Variants in ABLIM1 observed in about 807,000 individuals in gnomAD.
ABLIM1 encodes the protein actin binding LIM protein 1.
Under a neutral mutation model 107.0 loss-of-function variants are expected in ABLIM1, and 40 were observed. That is an observed-to-expected ratio of 0.37 (90% CI 0.29 to 0.49). ABLIM1 has a LOEUF of 0.49. Among genes scored for constraint, ABLIM1 ranks in the 20% least tolerant of loss-of-function variants. The pLI, the probability that ABLIM1 is intolerant of heterozygous loss-of-function variation, is 0.97. For missense variants in ABLIM1, 857 were observed against 1,008.5 expected (o/e 0.85, Z 2.04); for synonymous variants, 357 against 357.3 (o/e 1.00, Z 0.01).
chr10:114,644,624 A>C (rs145177690), intron 1 of ABLIM1, among the ~76,000 whole-genome samples: 214 of 152,214 alleles, frequency 1.4e-3, no homozygotes, highest in African/African-American at 4.9e-3. Context: ...GGTTGTTAGC[A>C]GACACTGGAT....
chr10:114,576,853 C>T (rs1484817980), intron 2 of ABLIM1, among the ~76,000 whole-genome samples: 4 of 152,198 alleles, frequency 2.6e-5, no homozygotes, highest in Non-Finnish European at 5.9e-5. Flanking sequence ...GGCCTGAGTC[C>T]ATCATGCCTG....
At chr10:114,542,431 GAAAAAAGAAAAAA>G (rs2066790909) in intron 6 of ABLIM1, among the ~76,000 whole-genome samples, 2 of 82,760 alleles carry the variant, frequency 2.4e-5, no homozygotes, top group Non-Finnish European at 4.9e-5. Flanking sequence ...AAGAAAGAAA[GAAAAAAGAAAAAA>G]AAAAAAGAAA....
At chr10:114,715,200 A>G (rs2081635891) in intron 1 of ABLIM1, among the ~76,000 whole-genome samples, 1 of 152,220 alleles carries the variant, frequency 6.6e-6, no homozygotes, top group African/African-American at 2.4e-5. Flanking sequence ...TTTCCCAGAC[A>G]GGCTAAGGGC....
intron 6 of ABLIM1, among the ~76,000 whole-genome samples, chr10:114,534,960 T>C (rs571850714): frequency 6.6e-6 from 1 of 152,356 alleles, no homozygotes; most frequent in African/African-American, 2.4e-5. Context: ...TTTCCTCCTG[T>C]TGTGAAAGTA....
intron 1 of ABLIM1, among the ~76,000 whole-genome samples, chr10:114,678,195 T>C (rs1249828120): frequency 1.3e-5 from 2 of 152,210 alleles, no homozygotes; most frequent in East Asian, 3.8e-4. Flanking sequence ...AACATGAACG[T>C]TCTTAGCAAA....
chr10:114,733,497 TA>T (rs2082118003), intron 1 of ABLIM1, among the ~76,000 whole-genome samples: 1 of 152,206 alleles, frequency 6.6e-6, no homozygotes, highest in African/African-American at 2.4e-5. Flanking sequence ...CTAAACAATG[TA>T]AAAGTCAGCC....
chr10:114,586,643 A>G (rs1321395705), intron 2 of ABLIM1, among the ~76,000 whole-genome samples: 1 of 152,114 alleles, frequency 6.6e-6, no homozygotes, highest in East Asian at 1.9e-4. Flanking sequence ...GGCAATTGCA[A>G]ATGAGAGCAG....
chr10:114,697,241 G>T lies in ABLIM1; in HGVS notation c.-213+70820C>A, dbSNP rs1028920934. 2.0e-5 allele frequency among the ~76,000 whole-genome samples: 3 copies of T among 152,168 alleles called. 1 individual carries two copies. Among genetic ancestry groups the T allele is most frequent in the Non-Finnish European group, 4.4e-5 (3 of 68,034 alleles). On this transcript the variant is annotated intron_variant, in intron 1 of 15. Transcript: ENST00000651092. ...CCACACTCCGCTCATCACAGCTTAA[G>T]TAAGGCCACTCTGGTTTTTTGAGAA... is the stretch of plus-strand genomic sequence containing the variant.
At chr10:114,461,856 ATAATC>A (rs1188904038) in intron 12 of ABLIM1, among the ~76,000 whole-genome samples, 4 of 152,174 alleles carry the variant, frequency 2.6e-5, no homozygotes, top group Non-Finnish European at 4.4e-5. Flanking sequence ...ATAAAGTAAA[ATAATC>A]TGTCAAGAGT....
At chr10:114,631,177 A>G (rs1196799717) in intron 1 of ABLIM1, among the ~76,000 whole-genome samples, 1 of 152,172 alleles carries the variant, frequency 6.6e-6, no homozygotes, top group East Asian at 1.9e-4. Flanking sequence ...GTTCTTTCAC[A>G]TTTCCCGGAG....
Position 114,434,813 on chromosome 10 carries a change from C to T in ABLIM1, c.*1447G>A, listed in dbSNP as rs935584553. 1 of 152,114 alleles carries T rather than the reference C, an allele frequency of 6.6e-6. No homozygotes were observed. Among genetic ancestry groups the T allele is most frequent in the Admixed American group, 6.6e-5 (1 of 15,266 alleles). The allele number at this position is 152,114 out of a possible 1,614,324, so 9.4% of individuals were successfully genotyped here. ...CATATTCGAATCTAGTGTTGCAGAG[C>T]CTGAGGGACTCTCGTGAGATGCTCT... On this transcript the variant is annotated 3_prime_UTR_variant, in exon 23 of 23. Transcript: ENST00000533213.
intron 1 of ABLIM1, among the ~76,000 whole-genome samples, chr10:114,692,631 G>T (rs572466282): frequency 6.6e-6 from 1 of 152,220 alleles, no homozygotes; most frequent in East Asian, 1.9e-4. Context: ...GTGGCTCATG[G>T]CTGTAATCCC....
At chr10:114,696,742 G>A (rs78996613) in intron 1 of ABLIM1, among the ~76,000 whole-genome samples, 176 of 152,274 alleles carry the variant, frequency 1.2e-3, no homozygotes, top group African/African-American at 4.1e-3. Flanking sequence ...ATGGAACTGT[G>A]AGTCCATTAA....
chr10:114,506,659 T>G (rs927350624), intron 6 of ABLIM1, among the ~76,000 whole-genome samples: 6 of 152,262 alleles, frequency 3.9e-5, no homozygotes, highest in African/African-American at 1.4e-4. Context: ...ATTGGCTTCT[T>G]TTGAGAAGTA....
At chr10:114,766,225 A>G (rs562260878) in intron 1 of ABLIM1, among the ~76,000 whole-genome samples, 3 of 152,366 alleles carry the variant, frequency 2.0e-5, no homozygotes, top group South Asian at 2.1e-4. Context: ...ACACATGTAA[A>G]GTACCTGACA....
intron 1 of ABLIM1, among the ~76,000 whole-genome samples, chr10:114,754,054 G>T (rs758189605): frequency 6.6e-6 from 1 of 152,062 alleles, no homozygotes; most frequent in Non-Finnish European, 1.5e-5. Context: ...GCGTTTCACC[G>T]TTGGCCAGGC....
At chr10:114,614,896 C>A in intron 1 of ABLIM1, among the ~76,000 whole-genome samples, 1 of 151,492 alleles carries the variant, frequency 6.6e-6, no homozygotes, top group South Asian at 2.1e-4. Context: ...ACTAAAAATA[C>A]AAAATTAGCC....
At chr10:114,674,762 A>G (rs1357048496) in intron 1 of ABLIM1, among the ~76,000 whole-genome samples, 3 of 150,794 alleles carry the variant, frequency 2.0e-5, no homozygotes, top group African/African-American at 7.3e-5. Context: ...GTGGAAGTGA[A>G]GTGAAGGGAC....
intron 8 of ABLIM1, among the ~76,000 whole-genome samples, chr10:114,484,019 G>A (rs571552740): frequency 9.4e-4 from 143 of 152,282 alleles, no homozygotes; most frequent in Non-Finnish European, 1.1e-3. Flanking sequence ...CAGGTGGTGC[G>A]TCTCTCTTCC....
Sources: allele counts gnomAD v4.1 joint callset (sites outside exome capture counted in the v4.1 genomes callset), GRCh38; gene constraint gnomAD v4.1.1; transcripts MANE v1.5; gene names NCBI Gene and HGNC (gene_info 2026-07-23, HGNC 2026-07-21).